The following ZNF691 variants were observed in gnomAD, a reference collection of about 807,000 sequenced individuals.
ZNF691 encodes the protein zinc finger protein 691.
Under a neutral mutation model 24.1 loss-of-function variants are expected in ZNF691, and 11 were observed. The ratio of observed to expected loss-of-function variants is 0.46; its 90% confidence interval spans 0.29 to 0.75. The LOEUF is 0.75. Among genes scored for constraint, ZNF691 ranks in the 30% least tolerant of loss-of-function variants. The pLI is 0.11. For missense variants in ZNF691, 356 were observed against 409.0 expected, an observed-to-expected ratio of 0.87 and a Z score of 1.12; for synonymous variants, 149 against 153.9, an observed-to-expected ratio of 0.97 and a Z score of 0.23.
rs1655379014 is a variant in ZNF691 at position 42,851,223 on chromosome 1, T to G, written c.358T>G (p.Cys120Gly). ...TGAGAAGCCCTTTATATGTGCCCAG[T>G]GTGGCAAAACCTTCAATAATACCTC... ...ADEKPFICAQ[C>G]GKTFNNTSNL... Residue 120 changes from cysteine (C) to glycine (G), a missense_variant, in exon 4 of 4, where the codon TGT becomes GGT. Transcript: ENST00000651192. The surrounding 1 kb of genome is among the most constrained non-coding windows in gnomAD (Gnocchi z 4.7). The G allele has an allele frequency of 1.2e-6, 2 of 1,614,114 alleles. No homozygotes were observed. The highest frequency in any genetic ancestry group is 1.7e-6 in the Non-Finnish European group (2 of 1,180,046).
rs749611105 is a variant in ZNF691 at position 42,851,757 on chromosome 1, C to G, written c.892C>G (p.Leu298Val). 2.5e-6 allele frequency: 4 copies of G among 1,614,106 alleles called. No individual in the cohort carries two copies. The highest frequency in any genetic ancestry group is 1.7e-5 in the Admixed American group (1 of 60,012). The change falls in exon 4 of 4, where the codon CTC (leucine) becomes GTC (valine). Residue 298 changes from leucine (L) to valine (V), a missense_variant. Physicochemically the swap from Leu to Val is conservative, Grantham distance 32. Coordinates refer to ENST00000651192, the MANE Select transcript of ZNF691 (RefSeq NM_001242739.2). The surrounding 1 kb of genome is among the most constrained non-coding windows in gnomAD (Gnocchi z 4.7). ...GAAACACTTCTCCCGGAGCTCGAAT[C>G]TCATCCGCCACCAGAAAACTCACTT... ...CGKHFSRSSNLIRHQKTHLGE... is the reference protein window; with the variant it reads ...CGKHFSRSSNVIRHQKTHLGE...
intron 3 of ZNF691, 126 bp downstream of exon 3, chr1:42,849,868 G>A: frequency 1.3e-6 from 1 of 798,396 alleles, no homozygotes; most frequent in South Asian, 1.6e-5. Context: ...TATGTGTTTA[G>A]TTTTGGGGTG....
chr1:42,850,453 A>T, intron 3 of ZNF691: 1 of 985,396 alleles, frequency 1.0e-6, no homozygotes, highest in Non-Finnish European at 1.2e-6. Context: ...CTTGTCACCT[A>T]GGAAAGCCTC....
chr1:42,851,395 A>G lies in ZNF691; in HGVS notation c.530A>G (p.Gln177Arg), dbSNP rs1167474200. 6 of 1,614,180 alleles carry G rather than the reference A, an allele frequency of 3.7e-6. No homozygotes were observed. Among genetic ancestry groups the G allele is most frequent in the Non-Finnish European group, 5.1e-6 (6 of 1,180,034 alleles). ...AAACACTACAAATGCCCCAAGTGCC[A>G]GGAGAGCTTTCGGCGGCGCTCAGAC... ...EEKHYKCPKCQESFRRRSDLT... is the reference protein window; with the variant it reads ...EEKHYKCPKCRESFRRRSDLT... The change falls in exon 4 of 4, where the codon CAG (glutamine) becomes CGG (arginine). Residue 177 changes from glutamine to arginine, a missense_variant. Gln to Arg is a conservative substitution (Grantham distance 43, BLOSUM62 1). Transcript: ENST00000651192. This position sits in a 1 kb window ranked among gnomAD's most constrained non-coding sequence, Gnocchi z 4.7.
At chr1:42,848,928 T>G (rs1655307526) in intron 1 of ZNF691, among the ~76,000 whole-genome samples, 1 of 152,208 alleles carries the variant, frequency 6.6e-6, no homozygotes, top group Non-Finnish European at 1.5e-5. Flanking sequence ...TATTCTTATC[T>G]AAATTCTTCA....
intron 3 of ZNF691, chr1:42,850,626 C>G: frequency 6.5e-7 from 1 of 1,536,736 alleles, no homozygotes; most frequent in Non-Finnish European, 8.8e-7. Context: ...TTTTACTTGC[C>G]CATGAATTAT....
At chr1:42,847,779 C>T (rs572891621) in intron 1 of ZNF691, among the ~76,000 whole-genome samples, 3 of 152,350 alleles carry the variant, frequency 2.0e-5, no homozygotes, top group East Asian at 3.9e-4. Context: ...GGCCCCAGTT[C>T]TGCCACTTAC....
chr1:42,850,047 GTAGT>G (rs1311287755), intron 3 of ZNF691, among the ~76,000 whole-genome samples: 20 of 152,016 alleles, frequency 1.3e-4, no homozygotes, highest in Admixed American at 1.3e-4. Context: ...GAGTGTGTAT[GTAGT>G]ATGTATGTGT....
chr1:42,847,698 C>T (rs866873308), intron 1 of ZNF691, among the ~76,000 whole-genome samples: 2 of 152,270 alleles, frequency 1.3e-5, no homozygotes, highest in South Asian at 4.1e-4. Context: ...CCTTCCTTCC[C>T]GTCTTCTCTC....
rs1312304472 is a variant in ZNF691 at position 42,851,473 on chromosome 1, T to C, written c.608T>C (p.Ile203Thr). 6.2e-7 allele frequency: 1 copy of C among 1,614,186 alleles called. No individual in the cohort carries two copies. The highest frequency in any genetic ancestry group is 1.1e-5 in the South Asian group (1 of 91,082). The change falls in exon 4 of 4, where the codon ATC (isoleucine) becomes ACC (threonine). Residue 203 changes from isoleucine (I) to threonine (T), a missense_variant. Coordinates refer to ENST00000651192, the MANE Select transcript of ZNF691 (RefSeq NM_001242739.2). This position sits in a 1 kb window ranked among gnomAD's most constrained non-coding sequence, Gnocchi z 4.7. Reference sequence around the variant, plus strand: ...GGCAAGCGGCCATACCGCTGTGACATCTGTGGCAAGAGCTTCAGCCAGAGT... The same window carrying C: ...GGCAAGCGGCCATACCGCTGTGACACCTGTGGCAAGAGCTTCAGCCAGAGT... ...HLGKRPYRCD[I>T]CGKSFSQSAT...
rs1169745569 is a variant in ZNF691 at position 42,850,346 on chromosome 1, G to A, written c.84+604G>A. On this transcript the variant is annotated intron_variant, in intron 3 of 3. Transcript: ENST00000651192. ...CCCAGGCCCCACAGTAGGTCCTGGA[G>A]GTCCCAGGTATTAACCCAGATGTTT... is the stretch of plus-strand genomic sequence containing the variant. The A allele has an allele frequency of 3.2e-6, 3 of 925,700 alleles. 1 individual carries two copies. The African/African-American group carries it at 5.4e-5, about 17-fold the overall frequency. The allele number at this position is 925,700 out of a possible 1,614,324, so 57.3% of individuals were successfully genotyped here. A position where few individuals can be genotyped will look rare whatever the true frequency, so the allele number is the denominator to read the frequency against.
chr1:42,852,171 A>G lies in ZNF691; in HGVS notation c.*358A>G. 1 of 394,608 alleles carries G rather than the reference A, an allele frequency of 2.5e-6. No individual in the cohort carries two copies. Among genetic ancestry groups the G allele is most frequent in the South Asian group, 2.1e-5 (1 of 46,960 alleles). The allele number at this position is 394,608 out of a possible 1,614,324, so 24.4% of individuals were successfully genotyped here. On this transcript the variant is annotated 3_prime_UTR_variant, in exon 4 of 4. Coordinates refer to ENST00000651192, the MANE Select transcript of ZNF691 (RefSeq NM_001242739.2). ...CTTATGAGATGGGTGTCACTGTCTGAAGGTTCTCCAAATTGTCTGTGAACT... is the reference window on the plus strand; with the variant it reads ...CTTATGAGATGGGTGTCACTGTCTGGAGGTTCTCCAAATTGTCTGTGAACT...
rs966821894 is a variant in ZNF691 at position 42,852,059 on chromosome 1, A to G, written c.*246A>G. ...AGTCAGAAGACCCAGTCTTGGCTTT[A>G]CTTTCTTGGGGTGAAAGAGAAATAG... On this transcript the variant is annotated 3_prime_UTR_variant, in exon 4 of 4. Transcript: ENST00000651192. The G allele has an allele frequency of 3.0e-6, 2 of 660,688 alleles. No individual in the cohort carries two copies. The highest frequency in any genetic ancestry group is 5.6e-6 in the Non-Finnish European group (2 of 360,148). The allele number at this position is 660,688 out of a possible 1,614,324, so 40.9% of individuals were successfully genotyped here.
chr1:42,851,338 G>A lies in ZNF691; in HGVS notation c.473G>A (p.Arg158His), dbSNP rs761085439. 18 of 1,613,650 alleles carry A rather than the reference G, an allele frequency of 1.1e-5. No homozygotes were observed. The highest frequency in any genetic ancestry group is 6.7e-5 in the Admixed American group (4 of 59,986). Residue 158 changes from arginine (R) to histidine (H), a missense_variant, in exon 4 of 4, where the codon CGC (arginine) becomes CAC (histidine). Physicochemically the swap from Arg to His is conservative, Grantham distance 29. Coordinates refer to ENST00000651192, the MANE Select transcript of ZNF691 (RefSeq NM_001242739.2). The surrounding 1 kb of genome is among the most constrained non-coding windows in gnomAD (Gnocchi z 4.7). ...AAGAGCTTCTCGAGAAGCTCCAACC[G>A]CATCCGGCACGAGCGGATCCACCTG... is the stretch of plus-strand genomic sequence containing the variant. ...CGKSFSRSSN[R>H]IRHERIHLEE...
Position 42,851,932 on chromosome 1 carries a change from T to C in ZNF691, c.*119T>C. On this transcript the variant is annotated 3_prime_UTR_variant, in exon 4 of 4. Coordinates refer to ENST00000651192, the MANE Select transcript of ZNF691 (RefSeq NM_001242739.2). The surrounding 1 kb of genome is among the most constrained non-coding windows in gnomAD (Gnocchi z 4.7). ...AAGCCCTTCATCCCACTTTGGAGAA[T>C]GGTTTTGTATAGCCTCTGAAGTCAG... 6.9e-7 allele frequency: 1 copy of C among 1,448,734 alleles called. No individual in the cohort carries two copies. Among genetic ancestry groups the C allele is most frequent in the African/African-American group, 1.4e-5 (1 of 71,204 alleles). 89.7% of individuals were successfully genotyped at this position (1,448,734 alleles called of 1,614,324 possible).
intron 1 of ZNF691, among the ~76,000 whole-genome samples, chr1:42,848,414 A>G (rs1018603176): frequency 2.6e-5 from 4 of 152,212 alleles, no homozygotes; most frequent in Non-Finnish European, 4.4e-5. Context: ...CTTATAAACT[A>G]CTAATAGAAA....
At chr1:42,847,789 C>G (rs1453802719) in intron 1 of ZNF691, among the ~76,000 whole-genome samples, 1 of 152,258 alleles carries the variant, frequency 6.6e-6, no homozygotes, top group East Asian at 1.9e-4. Flanking sequence ...CTGCCACTTA[C>G]TTGCTGTGTG....
chr1:42,850,592 G>T (rs1016675813), intron 3 of ZNF691: 19 of 1,514,048 alleles, frequency 1.3e-5, no homozygotes, highest in Admixed American at 2.4e-5. Flanking sequence ...CAGAAAAATT[G>T]AACTTATCCC....
At chr1:42,848,996 T>C (rs1055103820) in intron 1 of ZNF691, among the ~76,000 whole-genome samples, 2 of 152,210 alleles carry the variant, frequency 1.3e-5, no homozygotes, top group Admixed American at 6.5e-5. Flanking sequence ...TTAAATAAAG[T>C]TTTATTAGAG....
Sources: allele counts gnomAD v4.1 joint callset (sites outside exome capture counted in the v4.1 genomes callset), GRCh38; gene constraint gnomAD v4.1.1; non-coding constraint Gnocchi (gnomAD v3.1); transcripts MANE v1.5; gene names NCBI Gene and HGNC (gene_info 2026-07-23, HGNC 2026-07-21).